Variants in ABCC5 observed in about 807,000 individuals in gnomAD.
ABCC5 encodes ATP-binding cassette sub-family C member 5.
ABCC5 carries 61 observed loss-of-function variants against 160.9 expected under a neutral mutation model. The ratio of observed to expected loss-of-function variants is 0.38; its 90% CI spans 0.31 to 0.47. The LOEUF (loss-of-function observed/expected upper bound fraction) is 0.47, where lower values mean the gene tolerates loss of function less well. Among genes scored for constraint, ABCC5 ranks in the 20% least tolerant of loss-of-function variants. The pLI is 0.99. For synonymous variants in ABCC5, 666 were observed against 700.6 expected (o/e 0.95, Z 0.78); for missense variants, 1,308 against 1,813.3 (o/e 0.72, Z 5.06).
chr3:183,924,010 CTTTTTTT>C (rs200040197), intron 29 of ABCC5, among the ~76,000 whole-genome samples: 5 of 112,800 alleles, frequency 4.4e-5, no homozygotes, highest in Admixed American at 9.4e-5. Flanking sequence ...TTACTGTTTG[CTTTTTTT>C]TTTTTTTTTT....
intron 24 of ABCC5, among the ~76,000 whole-genome samples, chr3:183,945,385 C>T (rs9812777): frequency 0.13 from 19,886 of 152,074 alleles, 1,449 homozygotes; most frequent in East Asian, 0.34. Context: ...GTTTAGAATT[C>T]GCTATGGAGC....
chr3:183,993,873 T>G (rs1720001474), intron 2 of ABCC5, among the ~76,000 whole-genome samples: 1 of 151,970 alleles, frequency 6.6e-6, no homozygotes, highest in Admixed American at 6.6e-5. Flanking sequence ...GCCTCATACA[T>G]CATCGAGGTC....
chr3:183,947,668 A>G (rs1340054593), intron 22 of ABCC5, among the ~76,000 whole-genome samples, 158 bp from the exon 23 acceptor site: 3 of 152,172 alleles, frequency 2.0e-5, no homozygotes, highest in Non-Finnish European at 4.4e-5. Context: ...TATTCTAGGA[A>G]TTCTGGAGGT....
chr3:183,971,487 C>A, intron 11 of ABCC5, 76 bp downstream of exon 11: 1 of 1,386,532 alleles, frequency 7.2e-7, no homozygotes, highest in African/African-American at 1.5e-5. Context: ...TGAAAAGGAA[C>A]AGCAGCCGCC....
chr3:183,922,075 AAAT>A lies in ABCC5; in HGVS notation c.4213-677_4213-675del, dbSNP rs1285288449. 2.4e-3 allele frequency among the ~76,000 whole-genome samples: 309 copies of A among 127,744 alleles called. 1 individual carries two copies. Among genetic ancestry groups the A allele is most frequent in the African/African-American group, 7.4e-3 (280 of 37,862 alleles). 83.8% of individuals were successfully genotyped at this position (127,744 alleles called of 152,430 possible). A position where few individuals can be genotyped will look rare whatever the true frequency, so the allele number is the denominator to read the frequency against. On this transcript the variant is annotated intron_variant, in intron 29 of 29. Transcript: ENST00000334444. ...TAAATAAATAAATAAATAAATAAATAAATAAAAAACAACAGGCTGGGTGCGGTG... is the reference window on the plus strand; with the variant it reads ...TAAATAAATAAATAAATAAATAAATAAAAAAACAACAGGCTGGGTGCGGTG...
rs1193690828 is a variant in ABCC5 at position 183,988,043 on chromosome 3, ATG to A, written c.444-128_444-127del. On this transcript the variant is annotated intron_variant, in intron 4 of 29. Coordinates refer to ENST00000334444, the MANE Select transcript of ABCC5 (RefSeq NM_005688.4). This position sits in a 1 kb window ranked among gnomAD's most constrained non-coding sequence, Gnocchi z 4.4. ...TCACACAAGTCTCTCCTTTAAAATT[ATG>A]TACATAGTCTTCACCTTCTGGGAAA... 1.9e-6 allele frequency: 2 copies of A among 1,044,340 alleles called. No individual in the cohort carries two copies. Among genetic ancestry groups the A allele is most frequent in the East Asian group, 4.8e-5 (2 of 41,618 alleles). 64.7% of individuals were successfully genotyped at this position (1,044,340 alleles called of 1,614,324 possible). A position where few individuals can be genotyped will look rare whatever the true frequency, so the allele number is the denominator to read the frequency against.
chr3:183,956,322 C>T (rs1288859668), intron 17 of ABCC5, among the ~76,000 whole-genome samples: 9 of 151,578 alleles, frequency 5.9e-5, no homozygotes, highest in African/African-American at 1.7e-4. Flanking sequence ...GTGTGTAAAT[C>T]ACATCGGTTA....
chr3:183,972,959 T>C (rs997810111), intron 10 of ABCC5, among the ~76,000 whole-genome samples: 1 of 151,826 alleles, frequency 6.6e-6, no homozygotes, highest in Non-Finnish European at 1.5e-5. Context: ...GAATGAACTC[T>C]TGAAGAGGGA....
At chr3:183,979,901 A>G (rs1169321738) in intron 8 of ABCC5, among the ~76,000 whole-genome samples, 1 of 145,524 alleles carries the variant, frequency 6.9e-6, no homozygotes, top group African/African-American at 2.6e-5. Context: ...TTAAGACGGG[A>G]GTCTCACTCT....
In ABCC5 at chr3:183,949,174, T is replaced by A. The variant is rs1010532708; in HGVS notation, c.3227+579A>T. On this transcript the variant is annotated intron_variant, in intron 22 of 29. Coordinates refer to ENST00000334444, the MANE Select transcript of ABCC5 (RefSeq NM_005688.4). This position sits in a 1 kb window ranked among gnomAD's most constrained non-coding sequence, Gnocchi z 4.2. Reference sequence around the variant, plus strand: ...AGGGCCACATAGTACTCTATGGATATACCATAGCTTATTCAACCTGTCCTA... The same window carrying A: ...AGGGCCACATAGTACTCTATGGATAAACCATAGCTTATTCAACCTGTCCTA... 6.6e-6 allele frequency among the ~76,000 whole-genome samples: 1 copy of A among 152,224 alleles called. No individual in the cohort carries two copies. The highest frequency in any genetic ancestry group is 2.1e-4 in the South Asian group (1 of 4,832).
intron 2 of ABCC5, chr3:184,009,873 G>T (rs961066934): frequency 3.1e-6 from 1 of 324,234 alleles, no homozygotes; most frequent in East Asian, 8.8e-5. Flanking sequence ...TAGGGGCAGG[G>T]TGTGGTGCCA....
chr3:183,922,066 T>A (rs1577438356), intron 29 of ABCC5, among the ~76,000 whole-genome samples: 1 of 87,750 alleles, frequency 1.1e-5, no homozygotes. Flanking sequence ...AATAAATAAA[T>A]AAATAAATAA....
Position 183,971,696 on chromosome 3 carries a change from G to A in ABCC5, c.1628C>T (p.Ala543Val). The A allele has an allele frequency of 6.2e-7, 1 of 1,614,144 alleles. No individual in the cohort carries two copies. The highest frequency in any genetic ancestry group is 8.5e-7 in the Non-Finnish European group (1 of 1,180,024). Residue 543 changes from alanine (A) to valine (V), a missense_variant, in exon 11 of 30, where the codon GCA becomes GTA. Ala to Val is a moderately conservative substitution (Grantham distance 64). Around this residue, in one of 3 missense-constraint regions of ABCC5, gnomAD observed 1,142 missense variants for 1,527.1 expected, o/e 0.75. Coordinates refer to ENST00000334444, the MANE Select transcript of ABCC5 (RefSeq NM_005688.4). ...CAGGAGGAGGTGGCCTTTCTGCTCT[G>A]CCAGCACCGCCTGATGCTCAGTGCG... Reference protein sequence around the residue: ...LQRTEHQAVLAEQKGHLLLDS... With the variant: ...LQRTEHQAVLVEQKGHLLLDS...
Position 183,978,547 on chromosome 3 carries a change from A to G in ABCC5, c.1252T>C (p.Phe418Leu). 1.9e-6 allele frequency: 3 copies of G among 1,614,172 alleles called. No individual in the cohort carries two copies. The highest frequency in any genetic ancestry group is 1.1e-5 in the South Asian group (1 of 91,082). Residue 418 changes from phenylalanine to leucine, a missense_variant, in exon 9 of 30, where the codon TTC (phenylalanine) becomes CTC (leucine). Around this residue, in one of 3 missense-constraint regions of ABCC5, gnomAD observed 1,142 missense variants for 1,527.1 expected, o/e 0.75. Coordinates refer to ENST00000334444, the MANE Select transcript of ABCC5 (RefSeq NM_005688.4). ...AAGCCCAGGGTCATATGAACAGAGA[A>G]GGTCACCACGCTGGCAATCACCACC... is the stretch of plus-strand genomic sequence containing the variant. ...IVVVIASVVT[F>L]SVHMTLGFDL... is the part of the protein sequence containing the mutation.
intron 29 of ABCC5, among the ~76,000 whole-genome samples, chr3:183,924,010 CTTTTTTTTTTTTT>C (rs200040197): frequency 8.9e-6 from 1 of 112,796 alleles, no homozygotes; most frequent in Admixed American, 9.4e-5. Flanking sequence ...TTACTGTTTG[CTTTTTTTTTTTTT>C]TTTTTTTTTT....
At chr3:183,932,634 C>G (rs1470599356) in intron 26 of ABCC5, among the ~76,000 whole-genome samples, 1 of 152,174 alleles carries the variant, frequency 6.6e-6, no homozygotes, top group East Asian at 1.9e-4. Context: ...GCAAATTACT[C>G]TCACTCTCTG....
chr3:183,928,861 C>T (rs747845242), intron 26 of ABCC5, 36 bp from the exon 27 acceptor site: 4 of 1,565,022 alleles, frequency 2.6e-6, no homozygotes, highest in Non-Finnish European at 1.8e-6. Context: ...AGTGGTCCCA[C>T]CCTAAGCGAC....
At chr3:183,944,651 G>T (rs568448103) in intron 24 of ABCC5, among the ~76,000 whole-genome samples, 8 of 152,234 alleles carry the variant, frequency 5.3e-5, no homozygotes, top group African/African-American at 1.9e-4. Flanking sequence ...TGGCCCTTGA[G>T]CCACATGCAG....
Position 183,969,137 on chromosome 3 carries a change from A to G in ABCC5, c.1762-1371T>C, listed in dbSNP as rs184302138. ...AAAATGAGAAAAATGCCTGGTGCAC[A>G]GAAGACACTTGGCAAACATTACCTC... On this transcript the variant is annotated intron_variant, in intron 11 of 29. Coordinates refer to ENST00000334444, the MANE Select transcript of ABCC5 (RefSeq NM_005688.4). 7.3e-3 allele frequency among the ~76,000 whole-genome samples: 1,114 copies of G among 152,302 alleles called. 8 individuals carry two copies. The highest frequency in any genetic ancestry group is 0.017 in the Middle Eastern group (5 of 294).
Sources: allele counts gnomAD v4.1 joint callset (sites outside exome capture counted in the v4.1 genomes callset), GRCh38; gene constraint gnomAD v4.1.1; regional missense constraint gnomAD v4.1.1; non-coding constraint Gnocchi (gnomAD v3.1); transcripts MANE v1.5; gene names NCBI Gene and HGNC (gene_info 2026-07-23, HGNC 2026-07-21).